The following ARK2C variants were observed in gnomAD, a reference collection of about 807,000 sequenced individuals.
ARK2C encodes arkadia (RNF111) C-terminal like ring finger ubiquitin ligase 2C.
At chr18:46,455,280 G>A in the ARK2C span, among the ~76,000 whole-genome samples, 3 of 152,180 alleles carry the variant, frequency 2.0e-5, no homozygotes, top group Non-Finnish European at 4.4e-5. Context: ...AACCTGCTGG[G>A]CCTGAAAGTG....
At chr18:46,409,650 A>G in the ARK2C span, among the ~76,000 whole-genome samples, 1 of 152,024 alleles carries the variant, frequency 6.6e-6, no homozygotes, top group Admixed American at 6.6e-5. Flanking sequence ...CCTGGTATTG[A>G]ACTTGCCTCT....
At chr18:46,450,572 C>T in the ARK2C span, 1 of 815,518 alleles carries the variant, frequency 1.2e-6, no homozygotes, top group Non-Finnish European at 2.1e-6. Context: ...AGTCTTTCAG[C>T]ATCAGATGAG....
chr18:46,427,332 T>C, the ARK2C span, among the ~76,000 whole-genome samples: 1 of 152,234 alleles, frequency 6.6e-6, no homozygotes, highest in Non-Finnish European at 1.5e-5. Context: ...GCACAGGTTG[T>C]AGGATGGTAG....
At chr18:46,419,379 G>C in the ARK2C span, among the ~76,000 whole-genome samples, 1 of 152,168 alleles carries the variant, frequency 6.6e-6, no homozygotes, top group Non-Finnish European at 1.5e-5. Flanking sequence ...GGGAGGAGGT[G>C]GGGGAACTTC....
At chr18:46,455,072 A>C in the ARK2C span, among the ~76,000 whole-genome samples, 1 of 152,374 alleles carries the variant, frequency 6.6e-6, no homozygotes, top group East Asian at 1.9e-4. Context: ...AAACAGTACA[A>C]GGGAAGTCAA....
At chr18:46,412,583 G>C in the ARK2C span, among the ~76,000 whole-genome samples, 6 of 152,166 alleles carry the variant, frequency 3.9e-5, no homozygotes, top group African/African-American at 9.7e-5. Flanking sequence ...GAGGCTGCCT[G>C]GTTGGTCAGT....
the ARK2C span, among the ~76,000 whole-genome samples, chr18:46,402,299 A>G: frequency 6.6e-6 from 1 of 151,708 alleles, no homozygotes; most frequent in East Asian, 1.9e-4. Context: ...AAAAACTTGT[A>G]TTTAGTTAAA....
chr18:46,342,064 G>T, the ARK2C span, among the ~76,000 whole-genome samples: 14 of 152,238 alleles, frequency 9.2e-5, no homozygotes, highest in South Asian at 8.3e-4. Flanking sequence ...GCAAAGAGGG[G>T]TTTTTTCGCA....
the ARK2C span, among the ~76,000 whole-genome samples, chr18:46,425,379 C>A: frequency 0.15 from 22,166 of 152,244 alleles, 1,830 homozygotes; most frequent in East Asian, 0.34. Context: ...GGCCATCATC[C>A]CTGGGGTAGC....
chr18:46,439,554 A>G, the ARK2C span, among the ~76,000 whole-genome samples: 1 of 152,362 alleles, frequency 6.6e-6, no homozygotes, highest in Middle Eastern at 3.4e-3. Flanking sequence ...TACACAGCAC[A>G]CTGCAAGAAA....
chr18:46,408,290 A>T, the ARK2C span, among the ~76,000 whole-genome samples: 1 of 152,228 alleles, frequency 6.6e-6, no homozygotes, highest in Non-Finnish European at 1.5e-5. Flanking sequence ...GGGGCTACTG[A>T]GAAGATGGGC....
At chr18:46,356,830 C>T in the ARK2C span, among the ~76,000 whole-genome samples, 1 of 152,188 alleles carries the variant, frequency 6.6e-6, no homozygotes. Context: ...CTTATTCAGG[C>T]ATGGTGCAAG....
chr18:46,406,238 C>T, the ARK2C span, among the ~76,000 whole-genome samples: 2 of 152,326 alleles, frequency 1.3e-5, no homozygotes, highest in East Asian at 3.9e-4. Context: ...TGCATTGAAC[C>T]CCCCTCTCAA....
the ARK2C span, chr18:46,334,236 C>A: frequency 5.0e-6 from 7 of 1,403,948 alleles, no homozygotes; most frequent in Admixed American, 2.6e-5. The surrounding 1 kb of genome is among the most constrained non-coding windows in gnomAD (Gnocchi z 4.4). Context: ...AAAGGGCCCG[C>A]GCGCAGCCGC....
the ARK2C span, among the ~76,000 whole-genome samples, chr18:46,338,804 G>T: frequency 6.6e-6 from 1 of 152,158 alleles, no homozygotes; most frequent in Non-Finnish European, 1.5e-5. Context: ...CTTTCAAAGG[G>T]TCATCATTTT....
chr18:46,383,764 C>T, the ARK2C span, among the ~76,000 whole-genome samples: 1 of 152,032 alleles, frequency 6.6e-6, no homozygotes, highest in Admixed American at 6.5e-5. Flanking sequence ...CCGTGTTGGC[C>T]AGGATGGTCT....
chr18:46,392,301 G>A, the ARK2C span, among the ~76,000 whole-genome samples: 10 of 152,098 alleles, frequency 6.6e-5, no homozygotes, highest in African/African-American at 1.2e-4. Flanking sequence ...GATGCCCCCC[G>A]CTCCCTGAAT....
At chr18:46,414,759 C>A in the ARK2C span, among the ~76,000 whole-genome samples, 10 of 152,216 alleles carry the variant, frequency 6.6e-5, no homozygotes, top group African/African-American at 2.4e-4. Flanking sequence ...TCCTCAGGTC[C>A]TCCTTTGCCC....
the ARK2C span, among the ~76,000 whole-genome samples, chr18:46,359,660 T>C: frequency 8.5e-5 from 13 of 152,344 alleles, no homozygotes; most frequent in South Asian, 1.4e-3. Context: ...CTGTCACATG[T>C]TCAGGAAGAG....
Sources: allele counts gnomAD v4.1 joint callset (sites outside exome capture counted in the v4.1 genomes callset), GRCh38; gene constraint gnomAD v4.1.1; non-coding constraint Gnocchi (gnomAD v3.1); transcripts MANE v1.5; gene names NCBI Gene and HGNC (gene_info 2026-07-23, HGNC 2026-07-21).